The following VCL variants were observed in gnomAD, a reference collection of about 807,000 sequenced individuals.
VCL encodes vinculin.
Under a neutral mutation model 125.7 loss-of-function variants are expected in VCL, and 47 were observed. The ratio of observed to expected loss-of-function variants is 0.37; its 90% confidence interval spans 0.30 to 0.48. VCL has a LOEUF of 0.48. Among genes scored for constraint, VCL ranks in the 20% least tolerant of loss-of-function variants. The pLI is 0.99. For missense variants in VCL, 1,069 were observed against 1,455.5 expected (o/e 0.73, Z 4.32); for synonymous variants, 458 against 514.6 (o/e 0.89, Z 1.49).
chr10:74,019,945 C>T lies in VCL; in HGVS notation c.168+21570C>T, dbSNP rs370838932. ...GGGCGTGGTGGCGGGCGCCTGTAAT[C>T]CCAGCTACTCAGGAGGCTGAGGCTG... is the stretch of plus-strand genomic sequence containing the variant. On this transcript the variant is annotated intron_variant, in intron 1 of 21. Transcript: ENST00000211998. Among the ~76,000 whole-genome samples the T allele has an allele frequency of 4.0e-5, 6 of 151,890 alleles. No homozygotes were observed. The East Asian group carries it at 5.8e-4, about 15-fold the overall frequency.
chr10:74,068,023 G>A (rs1386709680), intron 2 of VCL, among the ~76,000 whole-genome samples: 1 of 152,210 alleles, frequency 6.6e-6, no homozygotes, highest in Non-Finnish European at 1.5e-5. Flanking sequence ...AACTATGTTT[G>A]GATCCAATTT....
Position 74,103,835 on chromosome 10 carries a change from C to T in VCL, c.2038C>T (p.Arg680Cys), listed in dbSNP as rs759356162. 44 of 1,613,868 alleles carry T rather than the reference C, an allele frequency of 2.7e-5. No individual in the cohort carries two copies. The highest frequency in any genetic ancestry group is 2.2e-4 in the East Asian group (10 of 44,892). ...ELTPQVVSAA[R>C]ILLRNPGNQA... ...TCATTGTCAGGTGGTCTCGGCTGCT[C>T]GTATCTTACTTAGGAACCCTGGAAA... is the stretch of plus-strand genomic sequence containing the variant. The change falls in exon 15 of 22, where the codon CGT becomes TGT. Residue 680 changes from arginine (R) to cysteine (C), a missense_variant. Around this residue, in one of 6 missense-constraint regions of VCL, gnomAD observed 760 missense variants for 928.9 expected, o/e 0.82. Transcript: ENST00000211998.
At chr10:74,005,908 CAG>C (rs1310946916) in intron 1 of VCL, among the ~76,000 whole-genome samples, 4 of 151,066 alleles carry the variant, frequency 2.6e-5, no homozygotes, top group Admixed American at 1.3e-4. Context: ...TTTTTTGAGA[CAG>C]AGTCTCGCTG....
At chr10:74,029,341 C>A (rs1840831053) in intron 1 of VCL, among the ~76,000 whole-genome samples, 1 of 149,990 alleles carries the variant, frequency 6.7e-6, no homozygotes, top group Non-Finnish European at 1.5e-5. Context: ...TCTCGATCTT[C>A]TGACCTCATG....
chr10:74,020,009 G>A (rs1440029588), intron 1 of VCL, among the ~76,000 whole-genome samples: 2 of 151,698 alleles, frequency 1.3e-5, no homozygotes, highest in East Asian at 1.9e-4. Flanking sequence ...GTTGCAGTGC[G>A]CCGAGATCGC....
chr10:74,095,550 C>T, intron 11 of VCL, 106 bp from the exon 12 acceptor site: 1 of 1,426,948 alleles, frequency 7.0e-7, no homozygotes, highest in Non-Finnish European at 9.7e-7. Flanking sequence ...TGTTCCACTG[C>T]ACTCCAGCTT....
At chr10:74,057,268 A>T (rs146839633) in intron 2 of VCL, among the ~76,000 whole-genome samples, 26 of 152,180 alleles carry the variant, frequency 1.7e-4, no homozygotes, top group Admixed American at 3.9e-4. Context: ...TTAAAAAAAA[A>T]TTATATGTAT....
In VCL at chr10:74,118,254, T is replaced by C. The variant is rs1840342169; in HGVS notation, c.*85T>C. 1 of 1,576,520 alleles carries C rather than the reference T, an allele frequency of 6.3e-7. No homozygotes were observed. The highest frequency in any genetic ancestry group is 1.4e-5 in the African/African-American group (1 of 74,058). ...AGTCCCAGGAGCTGCCCAGAGTTGC[T>C]GGGAGCTGAAAAATCACATCCTGGC... On this transcript the variant is annotated 3_prime_UTR_variant, in exon 22 of 22. Transcript: ENST00000211998.
chr10:74,007,774 G>A (rs1281965846), intron 1 of VCL, among the ~76,000 whole-genome samples: 3 of 152,088 alleles, frequency 2.0e-5, no homozygotes, highest in Non-Finnish European at 4.4e-5. Flanking sequence ...GGGATTACAG[G>A]CATGAGCCGC....
chr10:74,067,999 C>T (rs1241277644), intron 2 of VCL, among the ~76,000 whole-genome samples: 2 of 152,152 alleles, frequency 1.3e-5, no homozygotes, highest in African/African-American at 2.4e-5. Context: ...TGAATTTCAC[C>T]TCAATTGAAA....
chr10:74,067,523 G>A (rs758525539), intron 2 of VCL, among the ~76,000 whole-genome samples: 3 of 152,108 alleles, frequency 2.0e-5, no homozygotes, highest in Non-Finnish European at 4.4e-5. Flanking sequence ...CCTCCCCTAG[G>A]TATATAACTA....
intron 2 of VCL, among the ~76,000 whole-genome samples, chr10:74,050,930 GTATTTT>G (rs1841286514): frequency 2.5e-5 from 3 of 119,596 alleles, no homozygotes; most frequent in Admixed American, 1.1e-4. Context: ...TAGTACTACT[GTATTTT>G]TTTTTTTTTT....
Position 74,101,080 on chromosome 10 carries a change from C to T in VCL, c.2005C>T (p.Arg669Ter), listed in dbSNP as rs780856981. The stretch of plus-strand genomic sequence containing the variant: ...CATTCAGGCCTCAGTGAAGACGGCC[C>T]GAGAACTCACACCCCAGGTTGGGTT... ...EGIQASVKTA[R>*]ELTPQVVSAA... Residue 669 changes from arginine to a stop codon, truncating the protein, a stop_gained, in exon 14 of 22, where the codon CGA (arginine) becomes TGA (stop). Transcript: ENST00000211998. LOFTEE classifies it high-confidence loss of function. The T allele has an allele frequency of 2.5e-6, 4 of 1,613,358 alleles. No homozygotes were observed. The highest frequency in any genetic ancestry group is 1.1e-5 in the South Asian group (1 of 90,972).
At chr10:74,035,293 T>TA (rs1398561656) in intron 1 of VCL, among the ~76,000 whole-genome samples, 2 of 151,638 alleles carry the variant, frequency 1.3e-5, no homozygotes, top group Non-Finnish European at 2.9e-5. Flanking sequence ...CAAATCTCTC[T>TA]ACATTACCAA....
intron 2 of VCL, among the ~76,000 whole-genome samples, chr10:74,068,377 T>C (rs1040785077): frequency 2.0e-5 from 3 of 152,120 alleles, no homozygotes; most frequent in Non-Finnish European, 4.4e-5. Context: ...CAGGCTGGAG[T>C]GCAGTGGCAT....
intron 18 of VCL, among the ~76,000 whole-genome samples, chr10:74,109,576 C>T (rs1908332): frequency 3.9e-4 from 58 of 147,358 alleles, no homozygotes; most frequent in Middle Eastern, 7.1e-3. Flanking sequence ...TTTGCATTTT[C>T]TTTTTTTTTC....
intron 16 of VCL, among the ~76,000 whole-genome samples, chr10:74,105,896 G>A (rs1003065352): frequency 8.3e-5 from 12 of 144,740 alleles, no homozygotes; most frequent in African/African-American, 1.8e-4. Flanking sequence ...GTGAGCCACC[G>A]TGCCCAACCT....
intron 5 of VCL, 46 bp from the exon 6 acceptor site, chr10:74,074,697 A>G (rs775237179): frequency 6.2e-7 from 1 of 1,601,966 alleles, no homozygotes; most frequent in Non-Finnish European, 8.5e-7. Context: ...TTGTTATACA[A>G]CAAGATTAAA....
At chr10:74,050,971 G>A (rs568017340) in intron 2 of VCL, among the ~76,000 whole-genome samples, 26 of 114,868 alleles carry the variant, frequency 2.3e-4, no homozygotes, top group African/African-American at 8.5e-4. Flanking sequence ...ATGGAATCTC[G>A]CTCTGCTACC....
Sources: allele counts gnomAD v4.1 joint callset (sites outside exome capture counted in the v4.1 genomes callset), GRCh38; gene constraint gnomAD v4.1.1; regional missense constraint gnomAD v4.1.1; transcripts MANE v1.5; gene names NCBI Gene and HGNC (gene_info 2026-07-23, HGNC 2026-07-21).